Variants in MCC observed in about 807,000 individuals in gnomAD.
MCC encodes the protein colorectal mutant cancer protein.
A neutral mutation model predicts 116.2 loss-of-function variants in MCC; 90 were observed. The observed-to-expected ratio is 0.77, with a 90% confidence interval of 0.65 to 0.92. The LOEUF (loss-of-function observed/expected upper bound fraction) is 0.92. Ranked by LOEUF, MCC falls within the 40% of genes least tolerant of loss-of-function variation. The pLI is 0.00. For synonymous variants in MCC, 578 were observed against 510.5 expected, an observed-to-expected ratio of 1.13 and a Z score of -1.78; for missense variants, 1,516 against 1,312.2, an observed-to-expected ratio of 1.16 and a Z score of -2.40.
intron 4 of MCC, among the ~76,000 whole-genome samples, chr5:113,146,562 TA>T (rs1759534472): frequency 1.3e-5 from 2 of 151,866 alleles, no homozygotes; most frequent in African/African-American, 2.4e-5. Context: ...CCAGAGAGGA[TA>T]AAAACAGAAA....
intron 15 of MCC, among the ~76,000 whole-genome samples, chr5:113,053,038 T>C (rs80342674): frequency 0.041 from 6,249 of 152,302 alleles, 449 homozygotes; most frequent in African/African-American, 0.14. Context: ...GAAGGGCTGG[T>C]GCCTGGCATT....
At chr5:113,049,783 A>C (rs2150220404) in intron 15 of MCC, among the ~76,000 whole-genome samples, 1 of 152,142 alleles carries the variant, frequency 6.6e-6, no homozygotes, top group South Asian at 2.1e-4. Context: ...CACCCACGGC[A>C]CCTCTGTTGC....
chr5:113,237,763 C>T lies in MCC; in HGVS notation c.628-86341G>A, dbSNP rs191555556. On this transcript the variant is annotated intron_variant, in intron 3 of 18. Transcript: ENST00000408903. The stretch of plus-strand genomic sequence containing the variant: ...CTGACTGATTCAGAAACTTGCAAGG[C>T]TCTCATAGAACCCAGACAAGAGCTT... Among the ~76,000 whole-genome samples, 6 of 152,358 alleles carry T rather than the reference C, an allele frequency of 3.9e-5. No individual in the cohort carries two copies. The East Asian group carries it at 7.7e-4, about 20-fold the overall frequency.
intron 1 of MCC, among the ~76,000 whole-genome samples, chr5:113,395,567 T>C (rs1769507225): frequency 6.6e-6 from 1 of 152,208 alleles, no homozygotes; most frequent in Admixed American, 6.5e-5. Context: ...CTGCTCCTTT[T>C]CTCTTGCAAT....
intron 14 of MCC, among the ~76,000 whole-genome samples, chr5:113,060,980 CA>C (rs1753178845): frequency 6.6e-6 from 1 of 152,176 alleles, no homozygotes; most frequent in Non-Finnish European, 1.5e-5. Context: ...GTGGCTGTTT[CA>C]AAAAATTCAC....
At chr5:113,254,977 C>T (rs1461979000) in intron 3 of MCC, among the ~76,000 whole-genome samples, 1 of 152,098 alleles carries the variant, frequency 6.6e-6, no homozygotes, top group Non-Finnish European at 1.5e-5. Flanking sequence ...CCAGCCTGAC[C>T]AACATGGTGA....
intron 3 of MCC, among the ~76,000 whole-genome samples, chr5:113,256,425 A>T (rs939731157): frequency 6.6e-6 from 1 of 152,244 alleles, no homozygotes; most frequent in African/African-American, 2.4e-5. Context: ...GAGGGTTCAG[A>T]CAGGAAAGAG....
chr5:113,104,252 C>G lies in MCC; in HGVS notation c.1131G>C (p.Glu377Asp), dbSNP rs1242104729. ...TGAGCTGCTCAATGTGCTTGTCCACCTCGGCCACGGAGAGGCTGCAGCTGC... is the reference window on the plus strand; with the variant it reads ...TGAGCTGCTCAATGTGCTTGTCCACGTCGGCCACGGAGAGGCTGCAGCTGC... ...KKSSCSLSVA[E>D]VDKHIEQLTT... The change falls in exon 7 of 19, where the codon GAG (glutamate) becomes GAC (aspartate). Residue 377 changes from glutamate (E) to aspartate (D), a missense_variant. Coordinates refer to ENST00000408903, the MANE Select transcript of MCC (RefSeq NM_001085377.2). The G allele has an allele frequency of 1.2e-6, 2 of 1,614,068 alleles. No individual in the cohort carries two copies. The highest frequency in any genetic ancestry group is 1.1e-5 in the South Asian group (1 of 91,070).
chr5:113,044,166 C>A (rs2150216058), intron 16 of MCC, among the ~76,000 whole-genome samples: 1 of 152,322 alleles, frequency 6.6e-6, no homozygotes. Flanking sequence ...CATCCCACGT[C>A]TCCTTGGGAG....
At chr5:113,129,865 G>A (rs1758321104) in intron 5 of MCC, among the ~76,000 whole-genome samples, 1 of 152,214 alleles carries the variant, frequency 6.6e-6, no homozygotes, top group African/African-American at 2.4e-5. Flanking sequence ...GGAGAAATAG[G>A]AACACTTTTA....
intron 3 of MCC, among the ~76,000 whole-genome samples, chr5:113,188,037 G>A (rs1761986909): frequency 6.6e-6 from 1 of 152,134 alleles, no homozygotes; most frequent in Admixed American, 6.5e-5. Context: ...AGTAAACCAA[G>A]CCATAAATGA....
intron 8 of MCC, among the ~76,000 whole-genome samples, chr5:113,085,560 A>G (rs1755152975): frequency 6.6e-6 from 1 of 152,162 alleles, no homozygotes; most frequent in African/African-American, 2.4e-5. Flanking sequence ...TGATATTACT[A>G]GTTTTTATAT....
intron 3 of MCC, among the ~76,000 whole-genome samples, chr5:113,196,401 T>A (rs886758585): frequency 2.0e-5 from 3 of 152,192 alleles, no homozygotes; most frequent in Non-Finnish European, 2.9e-5. Flanking sequence ...ATGTCTCATT[T>A]ACTACCAGGC....
At chr5:113,299,949 G>A (rs1392793236) in intron 3 of MCC, among the ~76,000 whole-genome samples, 1 of 152,180 alleles carries the variant, frequency 6.6e-6, no homozygotes, top group Non-Finnish European at 1.5e-5. Context: ...GATGAGAAGA[G>A]GCAGCAGCAG....
At chr5:113,237,788 T>C (rs1029744043) in intron 3 of MCC, among the ~76,000 whole-genome samples, 1 of 152,236 alleles carries the variant, frequency 6.6e-6, no homozygotes, top group African/African-American at 2.4e-5. Context: ...GACAAGAGCT[T>C]TGATGTTGGC....
At chr5:113,066,894 G>C (rs1753643147) in intron 13 of MCC, among the ~76,000 whole-genome samples, 1 of 152,178 alleles carries the variant, frequency 6.6e-6, no homozygotes, top group Admixed American at 6.5e-5. Context: ...GAGAGACCTG[G>C]TCACCTTGGC....
intron 17 of MCC, among the ~76,000 whole-genome samples, chr5:113,039,805 C>T (rs570326009): frequency 3.3e-5 from 5 of 150,670 alleles, no homozygotes; most frequent in African/African-American, 4.9e-5. Flanking sequence ...TAGTCTGCTC[C>T]TCTCAGCTGT....
chr5:113,443,847 G>A (rs1017760777), intron 1 of MCC, among the ~76,000 whole-genome samples: 3 of 152,072 alleles, frequency 2.0e-5, no homozygotes, highest in African/African-American at 7.2e-5. Context: ...GTATTGAGAT[G>A]GAGTCTTGCT....
At chr5:113,362,049 C>T (rs1025366214) in intron 2 of MCC, among the ~76,000 whole-genome samples, 1 of 152,222 alleles carries the variant, frequency 6.6e-6, no homozygotes, top group African/African-American at 2.4e-5. Context: ...AGCCAATTCT[C>T]ATATTAAATC....
Sources: allele counts gnomAD v4.1 joint callset (sites outside exome capture counted in the v4.1 genomes callset), GRCh38; gene constraint gnomAD v4.1.1; transcripts MANE v1.5; gene names NCBI Gene and HGNC (gene_info 2026-07-23, HGNC 2026-07-21).